The following GMDS variants were observed in gnomAD, a reference collection of about 807,000 sequenced individuals.
The protein encoded by GMDS is GDP-mannose 4,6-dehydratase, also known as GDP-mannose 4,6 dehydratase.
In GMDS, 20 loss-of-function variants were observed where a neutral mutation model predicts 49.9. That is an observed-to-expected ratio of 0.40 (90% CI 0.28 to 0.58). GMDS has a LOEUF of 0.58. Ranked by LOEUF, GMDS falls within the 20% of genes least tolerant of loss-of-function variation. The probability of loss-of-function intolerance (pLI) is 0.42; values close to 1 mark genes in which losing one functional copy is unlikely to be tolerated. For synonymous variants in GMDS, 177 were observed against 178.6 expected (o/e 0.99, Z 0.07); for missense variants, 362 against 481.4 (o/e 0.75, Z 2.32).
chr6:1,958,474 C>T (rs575226658), intron 6 of GMDS, among the ~76,000 whole-genome samples: 1 of 152,164 alleles, frequency 6.6e-6, no homozygotes, highest in Admixed American at 6.5e-5. Flanking sequence ...TCTCCCTTAC[C>T]GCTGGCACCC....
At chr6:1,641,688 G>A (rs1434964489) in intron 9 of GMDS, among the ~76,000 whole-genome samples, 1 of 151,848 alleles carries the variant, frequency 6.6e-6, no homozygotes, top group African/African-American at 2.4e-5. Flanking sequence ...CGTACAGCTC[G>A]CGTCTCTCGG....
At chr6:1,842,075 C>T (rs901550129) in intron 7 of GMDS, among the ~76,000 whole-genome samples, 11 of 152,204 alleles carry the variant, frequency 7.2e-5, no homozygotes, top group African/African-American at 2.7e-4. Flanking sequence ...CACATACTCA[C>T]AGTTCCCTCT....
rs1769396717 is a variant in GMDS at position 2,037,876 on chromosome 6, G to T, written c.346-76910C>A. ...AGCAAATGAAGACAAGAGAGCAGGG[G>T]AAAGAGAAAAGCGGTAAAAATAAAT... On this transcript the variant is annotated intron_variant, in intron 4 of 10. Coordinates refer to ENST00000380815, the MANE Select transcript of GMDS (RefSeq NM_001500.4). Among the ~76,000 whole-genome samples, 2 of 152,138 alleles carry T rather than the reference G, an allele frequency of 1.3e-5. 1 individual carries two copies. The highest frequency in any genetic ancestry group is 4.1e-4 in the South Asian group (2 of 4,830).
chr6:2,114,598 T>C (rs1182140045), intron 4 of GMDS, among the ~76,000 whole-genome samples: 1 of 152,148 alleles, frequency 6.6e-6, no homozygotes, highest in Non-Finnish European at 1.5e-5. Flanking sequence ...TAGAACAGAA[T>C]CATCACAGAT....
chr6:2,066,265 A>T (rs1335723070), intron 4 of GMDS, among the ~76,000 whole-genome samples: 1 of 150,474 alleles, frequency 6.6e-6, no homozygotes, highest in Non-Finnish European at 1.5e-5. Context: ...CTCCTGAAGA[A>T]AGCGCTAAAC....
At chr6:1,627,860 G>A (rs896812859) in intron 9 of GMDS, among the ~76,000 whole-genome samples, 2 of 152,156 alleles carry the variant, frequency 1.3e-5, no homozygotes, top group Admixed American at 1.3e-4. Flanking sequence ...TCTGGCTTCT[G>A]GTGTCTTCAC....
intron 1 of GMDS, among the ~76,000 whole-genome samples, chr6:2,224,641 A>G (rs1366581133): frequency 3.9e-5 from 6 of 151,944 alleles, no homozygotes; most frequent in African/African-American, 1.2e-4. Context: ...TGTCTCAGAG[A>G]AAAAAAATCA....
chr6:2,078,419 T>C (rs1330984787), intron 4 of GMDS, among the ~76,000 whole-genome samples: 1 of 152,164 alleles, frequency 6.6e-6, no homozygotes. Context: ...ATAAACTTCA[T>C]GTTAGTACTG....
intron 7 of GMDS, among the ~76,000 whole-genome samples, chr6:1,853,352 AC>A (rs977153375): frequency 2.7e-5 from 4 of 150,846 alleles, no homozygotes; most frequent in African/African-American, 9.9e-5. Context: ...CCCCGTCTCT[AC>A]TAAAAATACA....
At chr6:2,134,812 T>A (rs28525431) in intron 1 of GMDS, among the ~76,000 whole-genome samples, 2,226 of 152,358 alleles carry the variant, frequency 0.015, 54 homozygotes, top group African/African-American at 0.05. Flanking sequence ...GTTTGCCTTA[T>A]ACTATAACAT....
chr6:1,769,011 T>C (rs12196461), intron 7 of GMDS, among the ~76,000 whole-genome samples: 49,073 of 152,074 alleles, frequency 0.32, 8,174 homozygotes, highest in South Asian at 0.43. Context: ...AATAACAGCT[T>C]ACTCTGTCTG....
intron 9 of GMDS, among the ~76,000 whole-genome samples, chr6:1,658,843 A>C (rs2113240704): frequency 6.6e-6 from 1 of 152,378 alleles, no homozygotes; most frequent in East Asian, 1.9e-4. Flanking sequence ...CGCAGTTACA[A>C]ACATCCAGGG....
chr6:1,803,618 A>C (rs1770042183), intron 7 of GMDS, among the ~76,000 whole-genome samples: 3 of 152,220 alleles, frequency 2.0e-5, no homozygotes, highest in Non-Finnish European at 4.4e-5. Flanking sequence ...CTTTATTACA[A>C]ACTCACATTA....
chr6:2,003,950 C>T (rs1766992168), intron 4 of GMDS, among the ~76,000 whole-genome samples: 1 of 152,128 alleles, frequency 6.6e-6, no homozygotes, highest in Non-Finnish European at 1.5e-5. Context: ...TAGACATCTA[C>T]CACACATTAA....
At chr6:2,019,139 T>TTA (rs1768095538) in intron 4 of GMDS, among the ~76,000 whole-genome samples, 1 of 151,160 alleles carries the variant, frequency 6.6e-6, no homozygotes, top group Non-Finnish European at 1.5e-5. Flanking sequence ...CAAATGATTT[T>TTA]TATATATTGA....
intron 7 of GMDS, among the ~76,000 whole-genome samples, chr6:1,756,560 C>A (rs1407224992): frequency 6.6e-6 from 1 of 152,212 alleles, no homozygotes; most frequent in African/African-American, 2.4e-5. Flanking sequence ...GCATGAGCCA[C>A]CATGCCCGGC....
intron 7 of GMDS, among the ~76,000 whole-genome samples, chr6:1,849,020 A>G (rs1350234454): frequency 6.6e-6 from 1 of 152,152 alleles, no homozygotes; most frequent in Non-Finnish European, 1.5e-5. Flanking sequence ...CCTGTTCCCC[A>G]TCCCTCAGTT....
At chr6:1,876,206 C>G (rs777286942) in intron 7 of GMDS, among the ~76,000 whole-genome samples, 1 of 151,478 alleles carries the variant, frequency 6.6e-6, no homozygotes, top group South Asian at 2.1e-4. Flanking sequence ...TGCAGTGAGC[C>G]GAGATCGCAC....
intron 1 of GMDS, among the ~76,000 whole-genome samples, chr6:2,209,469 CT>C (rs1300878458): frequency 2.0e-5 from 3 of 152,146 alleles, no homozygotes; most frequent in Non-Finnish European, 4.4e-5. Context: ...GCCAAGATGC[CT>C]TGACCACAGT....
Sources: gnomAD v4.1 joint callset for allele counts (sites outside exome capture counted in the v4.1 genomes callset) on GRCh38, gnomAD v4.1.1 for gene constraint, MANE v1.5 for transcripts, NCBI Gene and HGNC (gene_info 2026-07-23, HGNC 2026-07-21) for gene names.